OSBPL3: variants seen among roughly 807,000 people sequenced by gnomAD.
The protein encoded by OSBPL3 is oxysterol binding protein like 3.
OSBPL3 carries 65 observed loss-of-function variants against 120.1 expected under a neutral mutation model. The ratio of observed to expected loss-of-function variants is 0.54; its 90% CI spans 0.44 to 0.67. The LOEUF (loss-of-function observed/expected upper bound fraction) is 0.67. Ranked by LOEUF, OSBPL3 falls within the 30% of genes least tolerant of loss-of-function variation. The pLI is 0.00. For missense variants in OSBPL3, 1,004 were observed against 1,082.1 expected, an observed-to-expected ratio of 0.93 and a Z score of 1.01; for synonymous variants, 416 against 402.6, an observed-to-expected ratio of 1.03 and a Z score of -0.40.
At position 24,865,475 on chromosome 7, in the gene OSBPL3, G is replaced by A. The variant is rs373973437; in HGVS notation, c.550-10C>T. 34 of 1,612,084 alleles carry A rather than the reference G, an allele frequency of 2.1e-5. No individual in the cohort carries two copies. Among genetic ancestry groups the A allele is most frequent in the East Asian group, 1.8e-4 (8 of 44,836 alleles). ...TTGATATACTGCTACGCTGTTCCAC[G>A]GATGACAAAAGCACATTGTAAATGG... On this transcript the variant is annotated splice_polypyrimidine_tract_variant and intron_variant, in intron 6 of 22. Coordinates refer to ENST00000313367, the MANE Select transcript of OSBPL3 (RefSeq NM_015550.4).
At position 24,867,496 on chromosome 7, in the gene OSBPL3, A is replaced by G. The variant is rs1328006827; in HGVS notation, c.382-1259T>C. Among the ~76,000 whole-genome samples, 1 of 152,054 alleles carries G rather than the reference A, an allele frequency of 6.6e-6. No individual in the cohort carries two copies. Among genetic ancestry groups the G allele is most frequent in the African/African-American group, 2.4e-5 (1 of 41,388 alleles). On this transcript the variant is annotated intron_variant, in intron 5 of 22. Transcript: ENST00000313367. The surrounding 1 kb of genome is among the most constrained non-coding windows in gnomAD (Gnocchi z 4.5). ...TGGATCATGGGGGCAAGTCATTCCC[A>G]TGGTGTTCTCGTGGTGGTGCGTGGG...
Position 24,896,626 on chromosome 7 carries a change from A to T in OSBPL3, c.-149-4005T>A, listed in dbSNP as rs1200992567. Among the ~76,000 whole-genome samples, 1 of 152,266 alleles carries T rather than the reference A, an allele frequency of 6.6e-6. No homozygotes were observed. Among genetic ancestry groups the T allele is most frequent in the East Asian group, 1.9e-4 (1 of 5,202 alleles). On this transcript the variant is annotated intron_variant, in intron 1 of 22. Coordinates refer to ENST00000313367, the MANE Select transcript of OSBPL3 (RefSeq NM_015550.4). The surrounding 1 kb of genome is among the most constrained non-coding windows in gnomAD (Gnocchi z 4.4). ...GGAAAAGATGTAAAGGTGACATCAC[A>T]TACTATATATGTGTGCTGGAAGGAG... is the stretch of plus-strand genomic sequence containing the variant.
intron 14 of OSBPL3, among the ~76,000 whole-genome samples, chr7:24,839,652 A>T (rs1224298382): frequency 6.6e-6 from 1 of 152,140 alleles, no homozygotes; most frequent in Non-Finnish European, 1.5e-5. Flanking sequence ...CAGGGCAAAA[A>T]GCCATATTCT....
intron 5 of OSBPL3, among the ~76,000 whole-genome samples, chr7:24,869,060 T>C (rs1442985626): frequency 6.6e-6 from 1 of 152,190 alleles, no homozygotes; most frequent in African/African-American, 2.4e-5. Context: ...ACTGCCTGAC[T>C]GAGTCTAATA....
intron 7 of OSBPL3, 125 bp downstream of exon 7, chr7:24,865,217 A>G: frequency 2.0e-6 from 2 of 1,020,374 alleles, no homozygotes; most frequent in Non-Finnish European, 2.9e-6. Flanking sequence ...CAACCTTTAC[A>G]AGCAAAATAT....
chr7:24,842,139 TG>T, intron 13 of OSBPL3, 139 bp downstream of exon 13: 1 of 833,156 alleles, frequency 1.2e-6, no homozygotes, highest in Non-Finnish European at 1.9e-6. Context: ...GTATGAGTTA[TG>T]GGAGAACTCT....
intron 1 of OSBPL3, among the ~76,000 whole-genome samples, chr7:24,957,134 AAG>A (rs931266718): frequency 5.9e-5 from 9 of 152,138 alleles, no homozygotes; most frequent in African/African-American, 2.2e-4. Context: ...TGCTTCCAAT[AAG>A]AGAGGAATTT....
chr7:24,856,390 TCTCA>T (rs1209966667), intron 10 of OSBPL3, among the ~76,000 whole-genome samples: 1 of 152,192 alleles, frequency 6.6e-6, no homozygotes, highest in Non-Finnish European at 1.5e-5. Context: ...GAGTCAATAC[TCTCA>T]CTATCAATGT....
chr7:24,803,312 A>T lies in OSBPL3; in HGVS notation c.2567+1003T>A, dbSNP rs1792605171. The stretch of plus-strand genomic sequence containing the variant: ...AAGTTTTTTAAAAAAAGAAAACAGA[A>T]AAACTAAAATCATATAGGCCCTGGC... On this transcript the variant is annotated intron_variant, in intron 22 of 22. Transcript: ENST00000313367. This position sits in a 1 kb window ranked among gnomAD's most constrained non-coding sequence, Gnocchi z 4.2. 6.6e-6 allele frequency among the ~76,000 whole-genome samples: 1 copy of T among 152,198 alleles called. No individual in the cohort carries two copies. The highest frequency in any genetic ancestry group is 1.5e-5 in the Non-Finnish European group (1 of 68,038).
At position 24,863,594 on chromosome 7, in the gene OSBPL3, C is replaced by T. The variant is rs771328106; in HGVS notation, c.679G>A (p.Ala227Thr). 1 of 1,611,264 alleles carries T rather than the reference C, an allele frequency of 6.2e-7. No individual in the cohort carries two copies. The highest frequency in any genetic ancestry group is 1.1e-5 in the South Asian group (1 of 91,010). ...EDMEKCSKDL[A>T]HCHAYLVEMS... ...TCTACCAGGTAGGCATGACAGTGCG[C>T]CAGGTCTGTGGGGGAAAAGAGGACA... The change falls in exon 8 of 23, where the codon GCG becomes ACG. Residue 227 changes from alanine to threonine, a missense_variant. Ala to Thr is a moderately conservative substitution (Grantham distance 58). Coordinates refer to ENST00000313367, the MANE Select transcript of OSBPL3 (RefSeq NM_015550.4). This position sits in a 1 kb window ranked among gnomAD's most constrained non-coding sequence, Gnocchi z 5.8.
chr7:24,894,032 T>C lies in OSBPL3; in HGVS notation c.-149-1411A>G, dbSNP rs975758530. 6.6e-6 allele frequency among the ~76,000 whole-genome samples: 1 copy of C among 152,174 alleles called. No homozygotes were observed. The highest frequency in any genetic ancestry group is 2.4e-5 in the African/African-American group (1 of 41,442). On this transcript the variant is annotated intron_variant, in intron 1 of 22. Coordinates refer to ENST00000313367, the MANE Select transcript of OSBPL3 (RefSeq NM_015550.4). The surrounding 1 kb of genome is among the most constrained non-coding windows in gnomAD (Gnocchi z 4.1). ...ACCCATTCCATTATTAATGTTCACA[T>C]AGTCTAATTATAAAAAGAAGAGTAT... is the stretch of plus-strand genomic sequence containing the variant.
chr7:24,940,818 CTT>C lies in OSBPL3; in HGVS notation c.-150+39066_-150+39067del, dbSNP rs113229664. ...TTCTTAACATTTCTTCCTTTTTTTT[CTT>C]TTTTTTTTTGTGTGTGTGTGACGGA... On this transcript the variant is annotated intron_variant, in intron 1 of 22. Coordinates refer to ENST00000313367, the MANE Select transcript of OSBPL3 (RefSeq NM_015550.4). The surrounding 1 kb of genome is among the most constrained non-coding windows in gnomAD (Gnocchi z 4.4). Among the ~76,000 whole-genome samples the C allele has an allele frequency of 6.9e-6, 1 of 145,088 alleles. No homozygotes were observed.
At position 24,894,810 on chromosome 7, in the gene OSBPL3, A is replaced by G. The variant is rs1346085945; in HGVS notation, c.-149-2189T>C. On this transcript the variant is annotated intron_variant, in intron 1 of 22. Transcript: ENST00000313367. The surrounding 1 kb of genome is among the most constrained non-coding windows in gnomAD (Gnocchi z 4.1). ...CTAAAACCACCAAAACAGAAACACC[A>G]CAACCCTGTCCTAGAGGCAGCTGAT... Among the ~76,000 whole-genome samples, 2 of 152,244 alleles carry G rather than the reference A, an allele frequency of 1.3e-5. No individual in the cohort carries two copies. The highest frequency in any genetic ancestry group is 2.4e-5 in the African/African-American group (1 of 41,468).
chr7:24,885,907 A>ATG (rs1290514314), intron 2 of OSBPL3, among the ~76,000 whole-genome samples: 6 of 152,354 alleles, frequency 3.9e-5, no homozygotes, highest in African/African-American at 1.4e-4. Context: ...GGCCTCTGGA[A>ATG]TGTGTTACTT....
chr7:24,945,652 G>C (rs1813636792), intron 1 of OSBPL3, among the ~76,000 whole-genome samples: 1 of 152,194 alleles, frequency 6.6e-6, no homozygotes, highest in Non-Finnish European at 1.5e-5. Flanking sequence ...AAAAATAGAA[G>C]TACACGTAAG....
rs886717653 is a variant in OSBPL3, at chr7:24,827,117, G to A, written c.1884+3651C>T. On this transcript the variant is annotated intron_variant, in intron 16 of 22. Coordinates refer to ENST00000313367, the MANE Select transcript of OSBPL3 (RefSeq NM_015550.4). This position sits in a 1 kb window ranked among gnomAD's most constrained non-coding sequence, Gnocchi z 5.1. ...CCACCCAAAAATATTAATTCGGGGG[G>A]CTTGCCCAGTTTATTATACTAGTCA... Among the ~76,000 whole-genome samples, 1 of 152,170 alleles carries A rather than the reference G, an allele frequency of 6.6e-6. No individual in the cohort carries two copies. Among genetic ancestry groups the A allele is most frequent in the Non-Finnish European group, 1.5e-5 (1 of 68,036 alleles).
At chr7:24,935,787 C>T (rs939130542) in intron 1 of OSBPL3, among the ~76,000 whole-genome samples, 4 of 151,836 alleles carry the variant, frequency 2.6e-5, no homozygotes, top group African/African-American at 9.7e-5. Flanking sequence ...TTTATGTATT[C>T]TGGCATCTAT....
chr7:24,846,208 A>G (rs1798429010), intron 12 of OSBPL3, among the ~76,000 whole-genome samples: 1 of 151,982 alleles, frequency 6.6e-6, no homozygotes. Context: ...TGAGTGTTTT[A>G]TTTTCTGGCT....
At chr7:24,926,067 G>T (rs557175081) in intron 1 of OSBPL3, among the ~76,000 whole-genome samples, 5 of 152,306 alleles carry the variant, frequency 3.3e-5, no homozygotes, top group Non-Finnish European at 7.3e-5. Context: ...CCATAACAGG[G>T]CTAGGTATGC....
Sources: allele counts gnomAD v4.1 joint callset (sites outside exome capture counted in the v4.1 genomes callset), GRCh38; gene constraint gnomAD v4.1.1; non-coding constraint Gnocchi (gnomAD v3.1); transcripts MANE v1.5; gene names NCBI Gene and HGNC (gene_info 2026-07-23, HGNC 2026-07-21).